The following AGBL1 variants were observed in gnomAD, a reference collection of about 807,000 sequenced individuals.
The protein encoded by AGBL1 is cytosolic carboxypeptidase 4.
Under a neutral mutation model 118.9 loss-of-function variants are expected in AGBL1, and 130 were observed. The ratio of observed to expected loss-of-function variants is 1.09; its 90% confidence interval spans 0.95 to 1.26. The LOEUF (loss-of-function observed/expected upper bound fraction) is 1.26, where lower values mean the gene tolerates loss of function less well. Ranked by LOEUF, AGBL1 falls within the 50% of genes most tolerant of loss-of-function variation. The probability of loss-of-function intolerance (pLI) is 0.00; values close to 1 mark genes in which losing one functional copy is unlikely to be tolerated. For missense variants in AGBL1, 1,584 were observed against 1,298.1 expected, an observed-to-expected ratio of 1.22 and a Z score of -3.38; for synonymous variants, 555 against 478.9, an observed-to-expected ratio of 1.16 and a Z score of -2.08.
At chr15:86,244,046 G>A (rs1477238336) in intron 6 of AGBL1, among the ~76,000 whole-genome samples, 1 of 109,100 alleles carries the variant, frequency 9.2e-6, no homozygotes, top group Admixed American at 1.1e-4. Context: ...TAGATAGATA[G>A]ATAGATAGAT....
intron 19 of AGBL1, among the ~76,000 whole-genome samples, chr15:86,538,164 T>C (rs1490638284): frequency 1.3e-5 from 2 of 152,196 alleles, no homozygotes; most frequent in Non-Finnish European, 2.9e-5. Flanking sequence ...AAAGTGGCCA[T>C]TGGAGGGGTC....
intron 5 of AGBL1, among the ~76,000 whole-genome samples, chr15:86,189,977 G>A (rs1199618990): frequency 6.6e-6 from 1 of 152,104 alleles, no homozygotes; most frequent in Non-Finnish European, 1.5e-5. Flanking sequence ...ATATAGTTTT[G>A]CCTACATAAA....
intron 23 of AGBL1, among the ~76,000 whole-genome samples, chr15:86,944,919 G>A (rs868571645): frequency 8.5e-5 from 13 of 152,096 alleles, no homozygotes; most frequent in African/African-American, 2.7e-4. Flanking sequence ...GTAGGACAAC[G>A]GCTGTAAACT....
intron 6 of AGBL1, among the ~76,000 whole-genome samples, chr15:86,228,513 A>G (rs919672513): frequency 6.6e-6 from 1 of 152,216 alleles, no homozygotes; most frequent in African/African-American, 2.4e-5. Flanking sequence ...GGGGGCAGTC[A>G]GTGGTCCTGT....
At chr15:86,413,589 C>A (rs1283763492) in intron 18 of AGBL1, among the ~76,000 whole-genome samples, 1 of 152,064 alleles carries the variant, frequency 6.6e-6, no homozygotes, top group African/African-American at 2.4e-5. Context: ...GATATTATCT[C>A]ATGGTGGTTT....
intron 24 of AGBL1, among the ~76,000 whole-genome samples, chr15:87,028,085 GA>G (rs201298158): frequency 3.4e-5 from 5 of 148,580 alleles, no homozygotes; most frequent in Admixed American, 6.7e-5. Flanking sequence ...ATGGCCAAAA[GA>G]AAAAAAAAGG....
chr15:86,315,961 GA>G (rs879511508), intron 17 of AGBL1, among the ~76,000 whole-genome samples: 1 of 152,074 alleles, frequency 6.6e-6, no homozygotes, highest in African/African-American at 2.4e-5. Context: ...AAGCTCTCAG[GA>G]AAAAACCTTA....
intron 21 of AGBL1, among the ~76,000 whole-genome samples, chr15:86,623,823 A>C (rs2084847014): frequency 6.6e-6 from 1 of 152,224 alleles, no homozygotes. Flanking sequence ...AAATCAGTGC[A>C]TACACTTCTG....
chr15:86,977,158 A>T (rs2141715348), intron 23 of AGBL1, among the ~76,000 whole-genome samples: 1 of 151,738 alleles, frequency 6.6e-6, no homozygotes, highest in African/African-American at 2.4e-5. Context: ...AACATTTTCC[A>T]TTTTTTTCTC....
At chr15:86,693,891 G>C (rs1252353762) in intron 22 of AGBL1, among the ~76,000 whole-genome samples, 1 of 151,972 alleles carries the variant, frequency 6.6e-6, no homozygotes, top group Non-Finnish European at 1.5e-5. Flanking sequence ...CTTTGTTGAA[G>C]GTCAGTTTGC....
At chr15:86,826,716 A>G (rs1373380914) in intron 22 of AGBL1, among the ~76,000 whole-genome samples, 1 of 152,270 alleles carries the variant, frequency 6.6e-6, no homozygotes, top group Non-Finnish European at 1.5e-5. Context: ...TAAGAAATGC[A>G]CTGGGGATAA....
chr15:86,445,832 T>C (rs2082113945), intron 18 of AGBL1, among the ~76,000 whole-genome samples: 1 of 152,200 alleles, frequency 6.6e-6, no homozygotes, highest in South Asian at 2.1e-4. Context: ...CAGCACGTTG[T>C]ATTAAATCAT....
intron 22 of AGBL1, among the ~76,000 whole-genome samples, chr15:86,782,050 C>T (rs2078343941): frequency 6.6e-6 from 1 of 152,146 alleles, no homozygotes; most frequent in Admixed American, 6.5e-5. Context: ...TTTTAATCTA[C>T]AAAAATTGTG....
intron 22 of AGBL1, among the ~76,000 whole-genome samples, chr15:86,871,278 T>A (rs1390597303): frequency 1.3e-5 from 2 of 152,130 alleles, no homozygotes; most frequent in Non-Finnish European, 2.9e-5. Flanking sequence ...AAAGGGAGTA[T>A]CTATCTGCAG....
chr15:86,741,045 C>G lies in AGBL1; in HGVS notation c.3158+66609C>G, dbSNP rs547899488. 5.9e-5 allele frequency among the ~76,000 whole-genome samples: 9 copies of G among 152,126 alleles called. No homozygotes were observed. In the South Asian group the frequency reaches 1.9e-3, roughly 32 times the overall value. On this transcript the variant is annotated intron_variant, in intron 22 of 22. Coordinates refer to ENST00000614907, the MANE Select transcript of AGBL1 (RefSeq NM_001386094.1). Reference sequence around the variant, plus strand: ...TTTGCCTGGGAGCACACTCAAATGGCAGCTCCAGCCTCTGAATGGTAAAAC... The same window carrying G: ...TTTGCCTGGGAGCACACTCAAATGGGAGCTCCAGCCTCTGAATGGTAAAAC...
rs900549416 is a variant in AGBL1 at position 86,964,651 on chromosome 15, T to A, written c.3222-23336T>A. Reference sequence around the variant, plus strand: ...GAAATAGAAATCTTTTTTTTTTTTTTAAATACTTTAAGTTCTGGGATACAT... The same window carrying A: ...GAAATAGAAATCTTTTTTTTTTTTTAAAATACTTTAAGTTCTGGGATACAT... On this transcript the variant is annotated intron_variant, in intron 23 of 24. Transcript: ENST00000441037. Among the ~76,000 whole-genome samples the A allele has an allele frequency of 3.0e-4, 46 of 150,878 alleles. 1 individual carries two copies. The highest frequency in any genetic ancestry group is 2.4e-4 in the African/African-American group (10 of 40,946).
intron 22 of AGBL1, among the ~76,000 whole-genome samples, chr15:86,825,602 A>T (rs2092503453): frequency 6.7e-6 from 1 of 148,766 alleles, no homozygotes; most frequent in South Asian, 2.2e-4. Flanking sequence ...AAATATGTTC[A>T]GCATTATTAA....
At chr15:86,336,368 G>C (rs1035075715) in intron 17 of AGBL1, among the ~76,000 whole-genome samples, 11 of 152,312 alleles carry the variant, frequency 7.2e-5, no homozygotes, top group Admixed American at 7.2e-4. Context: ...AGACGCCCCT[G>C]AGGTTTCGCT....
chr15:86,105,389 A>G (rs1341974197), intron 1 of AGBL1: 2 of 152,224 alleles, frequency 1.3e-5, no homozygotes, highest in Non-Finnish European at 2.9e-5. Flanking sequence ...AGACATATAC[A>G]AATTACCTTA....
Sources: gnomAD v4.1 joint callset for allele counts (sites outside exome capture counted in the v4.1 genomes callset) on GRCh38, gnomAD v4.1.1 for gene constraint, MANE v1.5 for transcripts, NCBI Gene and HGNC (gene_info 2026-07-23, HGNC 2026-07-21) for gene names.